Variants in RBPJL observed in about 807,000 individuals in gnomAD.
RBPJL encodes recombining binding protein suppressor of hairless-like protein.
Under a neutral mutation model 57.6 loss-of-function variants are expected in RBPJL, and 50 were observed. The ratio of observed to expected loss-of-function variants is 0.87; its 90% CI spans 0.69 to 1.10. The LOEUF (loss-of-function observed/expected upper bound fraction) is 1.10. Among genes scored for constraint, RBPJL ranks in the 50% least tolerant of loss-of-function variants. The pLI, the probability that RBPJL is intolerant of heterozygous loss-of-function variation, is 0.00. For synonymous variants in RBPJL, 303 were observed against 294.4 expected (o/e 1.03, Z -0.30); for missense variants, 684 against 693.7 (o/e 0.99, Z 0.16).
At chr20:45,315,565 C>T (rs556028634) in intron 9 of RBPJL, among the ~76,000 whole-genome samples, 2 of 151,854 alleles carry the variant, frequency 1.3e-5, no homozygotes, top group South Asian at 4.2e-4. Flanking sequence ...ATGGTGAAAC[C>T]CTGTCTCTAC....
intron 2 of RBPJL, 57 bp downstream of exon 2, chr20:45,308,308 C>CA (rs1402208743): frequency 1.5e-5 from 18 of 1,191,828 alleles, no homozygotes; most frequent in Non-Finnish European, 2.3e-5. Context: ...CTGGAGCACA[C>CA]AGAGGCAACG....
In RBPJL at chr20:45,313,747, G is replaced by A. The variant is rs1409234590; in HGVS notation, c.757+142G>A. The A allele has an allele frequency of 5.6e-6, 5 of 898,106 alleles. No individual in the cohort carries two copies. In the East Asian group the frequency reaches 1.1e-4, roughly 19 times the overall value. 55.6% of individuals were successfully genotyped at this position (898,106 alleles called of 1,614,324 possible). ...ACAAAAAGACTTGACTACAGTCCCA[G>A]TGAGCTGGTGACTGTTCCAAGCTAT... On this transcript the variant is annotated intron_variant, in intron 7 of 11. Transcript: ENST00000343694.
rs752735900 is a variant in RBPJL at position 45,311,690 on chromosome 20, CT to C, written c.328+32del. 23 of 1,611,860 alleles carry C rather than the reference CT, an allele frequency of 1.4e-5. No individual in the cohort carries two copies. In the East Asian group the frequency reaches 4.7e-4, roughly 33 times the overall value. On this transcript the variant is annotated intron_variant, in intron 4 of 11. Transcript: ENST00000343694. ...GGCGGAATCAAGGGCTGCCGGCCGC[CT>C]GCTCTGTAGGGAGGACCACGAGATT...
chr20:45,311,439 A>C, intron 3 of RBPJL, 150 bp from the exon 4 acceptor site: 1 of 667,428 alleles, frequency 1.5e-6, no homozygotes, highest in Non-Finnish European at 2.6e-6. Flanking sequence ...AGGTTTGGCT[A>C]TGAATGGGGT....
intron 9 of RBPJL, among the ~76,000 whole-genome samples, chr20:45,315,740 CAA>C (rs748056086): frequency 3.8e-5 from 2 of 51,954 alleles, no homozygotes; most frequent in Non-Finnish European, 3.7e-5. Flanking sequence ...GATTCAGTCT[CAA>C]AAAAAAAAAA....
At chr20:45,315,928 A>C (rs1165896597) in intron 9 of RBPJL, 2 of 382,328 alleles carry the variant, frequency 5.2e-6, no homozygotes, top group African/African-American at 2.1e-5. Context: ...GGAAAGAAAA[A>C]GAAAAGGAAG....
At chr20:45,313,994 G>A in intron 7 of RBPJL, 41 bp from the exon 8 acceptor site, 1 of 1,419,596 alleles carries the variant, frequency 7.0e-7, no homozygotes, top group Non-Finnish European at 1.0e-6. Flanking sequence ...GAAGCTTGGG[G>A]GCCGCTGAAA....
chr20:45,316,102 G>A (rs1485002125), intron 9 of RBPJL, 85 bp from the exon 10 acceptor site: 38 of 1,390,696 alleles, frequency 2.7e-5, no homozygotes, highest in Admixed American at 2.5e-4. Context: ...TCGGTCTAAC[G>A]CAGAAGCCCA....
At position 45,311,848 on chromosome 20, in the gene RBPJL, C is replaced by G; in HGVS notation, c.338C>G (p.Ala113Gly). ...VKPGQDQAHQAGETGPTVCGY... is the reference protein window; with the variant it reads ...VKPGQDQAHQGGETGPTVCGY... Reference sequence around the variant, plus strand: ...TCGCGTCCCTTTCCAGCTCACCAGGCGGGGGAAACGGGGCCCACGGTCTGC... The same window carrying G: ...TCGCGTCCCTTTCCAGCTCACCAGGGGGGGGAAACGGGGCCCACGGTCTGC... Residue 113 changes from alanine to glycine, a missense_variant, in exon 5 of 12, where the codon GCG becomes GGG. Transcript: ENST00000343694. 1 of 1,551,418 alleles carries G rather than the reference C, an allele frequency of 6.4e-7. No individual in the cohort carries two copies. Among genetic ancestry groups the G allele is most frequent in the Non-Finnish European group, 8.7e-7 (1 of 1,146,710 alleles).
chr20:45,308,188 A>ACT lies in RBPJL; in HGVS notation c.69_70insTC (p.Arg24SerfsTer31). On this transcript the variant is annotated frameshift_variant, in exon 2 of 12. Coordinates refer to ENST00000343694, the MANE Select transcript of RBPJL (RefSeq NM_014276.4). LOFTEE classifies it high-confidence loss of function. ...CCTTTGACTCACCTGAGCCTGCAGGACAGATCAGAGATGCAGCTGCAGAGC... is the reference window on the plus strand; with the variant it reads ...CCTTTGACTCACCTGAGCCTGCAGGACTCAGATCAGAGATGCAGCTGCAGAGC... 6.2e-7 allele frequency: 1 copy of ACT among 1,614,102 alleles called. No individual in the cohort carries two copies. Among genetic ancestry groups the ACT allele is most frequent in the Non-Finnish European group, 8.5e-7 (1 of 1,179,956 alleles).
intron 6 of RBPJL, 98 bp downstream of exon 6, chr20:45,312,493 T>A (rs1600716933): frequency 8.0e-7 from 1 of 1,257,702 alleles, no homozygotes; most frequent in South Asian, 1.4e-5. Flanking sequence ...AGGCTGGGCT[T>A]AGGGGTCAGA....
At chr20:45,311,778 A>G in intron 4 of RBPJL, 61 bp from the exon 5 acceptor site, 1 of 1,534,706 alleles carries the variant, frequency 6.5e-7, no homozygotes, top group Non-Finnish European at 8.9e-7. Context: ...GCGAGCGCTA[A>G]GCTTGCCTGG....
At chr20:45,315,683 A>G (rs6032110) in intron 9 of RBPJL, among the ~76,000 whole-genome samples, 74,460 of 149,456 alleles carry the variant, frequency 0.5, 19,260 homozygotes, top group African/African-American at 0.6. Context: ...GGAGGTTGCA[A>G]TGAGCCAAGA....
At position 45,317,002 on chromosome 20, in the gene RBPJL, C is replaced by CCG. The variant is rs879697571; in HGVS notation, c.*47_*48dup. 3.2e-6 allele frequency: 5 copies of CCG among 1,576,860 alleles called. No individual in the cohort carries two copies. The highest frequency in any genetic ancestry group is 4.3e-6 in the Non-Finnish European group (5 of 1,160,500). ...GGCTGCCCACCCTGGAGGGCTGCGC[C>CCG]CGCGCCAGGCGCGGGGACGTGTTTC... On this transcript the variant is annotated 3_prime_UTR_variant, in exon 12 of 12. Transcript: ENST00000343694.
chr20:45,314,682 A>G (rs370538399), intron 9 of RBPJL, 117 bp downstream of exon 9: 3 of 930,990 alleles, frequency 3.2e-6, no homozygotes, highest in Non-Finnish European at 3.3e-6. Flanking sequence ...CCTCCCATGG[A>G]ACATTAAAAT....
In RBPJL at chr20:45,316,227, A is replaced by G. The variant is rs752991763; in HGVS notation, c.1061A>G (p.Asn354Ser). ...AAGGAGGCGAACAGGGCTCTGCTTA[A>G]CGACAGCTCTTGCTGGACCATCATC... Reference protein sequence around the residue: ...CPKEANRALLNDSSCWTIIGT... With the variant: ...CPKEANRALLSDSSCWTIIGT... The change falls in exon 10 of 12, where the codon AAC becomes AGC. Residue 354 changes from asparagine to serine, a missense_variant. Transcript: ENST00000343694. The G allele has an allele frequency of 6.2e-7, 1 of 1,614,254 alleles. No individual in the cohort carries two copies. Among genetic ancestry groups the G allele is most frequent in the Non-Finnish European group, 8.5e-7 (1 of 1,180,034 alleles).
In RBPJL at chr20:45,308,195, A is replaced by T. The variant is rs1415175832; in HGVS notation, c.75A>T (p.Ser25=). Residue 25 remains serine (S), a synonymous_variant, in exon 2 of 12, where the codon TCA becomes TCT. Coordinates refer to ENST00000343694, the MANE Select transcript of RBPJL (RefSeq NM_014276.4). ...PLTHLSLQDR[S]EMQLQSEADR... Reference sequence around the variant, plus strand: ...CTCACCTGAGCCTGCAGGACAGATCAGAGATGCAGCTGCAGAGCGAAGCCG... The same window carrying T: ...CTCACCTGAGCCTGCAGGACAGATCTGAGATGCAGCTGCAGAGCGAAGCCG... 2.2e-5 allele frequency: 35 copies of T among 1,613,988 alleles called. No individual in the cohort carries two copies. The highest frequency in any genetic ancestry group is 3.0e-5 in the Non-Finnish European group (35 of 1,179,954).
chr20:45,311,974 G>C lies in RBPJL; in HGVS notation c.444+20G>C. On this transcript the variant is annotated intron_variant, in intron 5 of 11. Coordinates refer to ENST00000343694, the MANE Select transcript of RBPJL (RefSeq NM_014276.4). ...TCCAGGGTGAGAGCGCACGGGAAGG[G>C]GTCCGATTCCTGCTCCCATCCCTGC... The C allele has an allele frequency of 6.5e-7, 1 of 1,527,956 alleles. No individual in the cohort carries two copies. Among genetic ancestry groups the C allele is most frequent in the Non-Finnish European group, 8.9e-7 (1 of 1,125,468 alleles). The allele number at this position is 1,527,956 out of a possible 1,614,324, so 94.6% of individuals were successfully genotyped here.
At chr20:45,308,293 G>A (rs1459285809) in intron 2 of RBPJL, 42 bp downstream of exon 2, 2 of 1,329,796 alleles carry the variant, frequency 1.5e-6, no homozygotes, top group Non-Finnish European at 2.2e-6. Flanking sequence ...GGGACTGCCA[G>A]GCAGCTGGAG....
Sources: allele counts gnomAD v4.1 joint callset (sites outside exome capture counted in the v4.1 genomes callset), GRCh38; gene constraint gnomAD v4.1.1; transcripts MANE v1.5; gene names NCBI Gene and HGNC (gene_info 2026-07-23, HGNC 2026-07-21).